SGF29: variants seen among roughly 807,000 people sequenced by gnomAD.
The protein encoded by SGF29 is SAGA complex associated factor 29.
In SGF29, 15 loss-of-function variants were observed where a neutral mutation model predicts 38.1. That is an observed-to-expected ratio of 0.39 (90% CI 0.26 to 0.61). The LOEUF is 0.61. Among genes scored for constraint, SGF29 ranks in the 20% least tolerant of loss-of-function variants. The pLI, the probability that SGF29 is intolerant of heterozygous loss-of-function variation, is 0.49. For synonymous variants in SGF29, 151 were observed against 160.8 expected (o/e 0.94, Z 0.46); for missense variants, 184 against 394.6 (o/e 0.47, Z 4.52).
At chr16:28,566,209 G>T (rs1450708530) in intron 1 of SGF29, among the ~76,000 whole-genome samples, 3 of 151,562 alleles carry the variant, frequency 2.0e-5, no homozygotes, top group Admixed American at 6.6e-5. Flanking sequence ...GGGAGGCAGA[G>T]CTTGCAGTGA....
chr16:28,583,983 G>A (rs1038115691), intron 2 of SGF29, among the ~76,000 whole-genome samples: 1 of 151,738 alleles, frequency 6.6e-6, no homozygotes, highest in Non-Finnish European at 1.5e-5. Flanking sequence ...CTTTGATAAA[G>A]GACTATCATT....
chr16:28,584,560 C>G (rs971562843), intron 2 of SGF29, among the ~76,000 whole-genome samples: 9 of 152,104 alleles, frequency 5.9e-5, no homozygotes, highest in Admixed American at 1.3e-4. Flanking sequence ...GAGGCCGAGG[C>G]AGGCGGATCA....
At chr16:28,572,102 G>C (rs1474839353) in intron 1 of SGF29, among the ~76,000 whole-genome samples, 1 of 149,648 alleles carries the variant, frequency 6.7e-6, no homozygotes, top group Non-Finnish European at 1.5e-5. Flanking sequence ...TCAGCCTCCC[G>C]AGTAGCTGGG....
chr16:28,576,331 G>C lies in SGF29; in HGVS notation c.-15-4724G>C, dbSNP rs2046893424. Reference sequence around the variant, plus strand: ...TAATACCTGGGTGATGAAATTATCTGTACAACAGACCCCCATGACACATAT... The same window carrying C: ...TAATACCTGGGTGATGAAATTATCTCTACAACAGACCCCCATGACACATAT... On this transcript the variant is annotated intron_variant, in intron 1 of 9. Coordinates refer to ENST00000317058, the MANE Select transcript of SGF29 (RefSeq NM_138414.3). Among the ~76,000 whole-genome samples, 3 of 152,120 alleles carry C rather than the reference G, an allele frequency of 2.0e-5. No individual in the cohort carries two copies. In the South Asian group the frequency reaches 6.2e-4, roughly 32 times the overall value.
intron 1 of SGF29, among the ~76,000 whole-genome samples, chr16:28,577,362 A>C (rs937038736): frequency 6.6e-5 from 10 of 151,836 alleles, no homozygotes; most frequent in South Asian, 2.1e-4. Context: ...AAAAAAAAAA[A>C]CAAAAAAACC....
chr16:28,589,980 G>C (rs2046978140), intron 5 of SGF29, 116 bp from the exon 6 acceptor site: 6 of 1,414,602 alleles, frequency 4.2e-6, no homozygotes, highest in Admixed American at 2.6e-5. Flanking sequence ...TGGGCCCTCG[G>C]GCTCACTCGG....
At chr16:28,571,238 G>A (rs1045043625) in intron 1 of SGF29, among the ~76,000 whole-genome samples, 20 of 152,114 alleles carry the variant, frequency 1.3e-4, no homozygotes, top group Admixed American at 6.6e-5. Context: ...AGCGGAGAGC[G>A]ATGCCGAATC....
chr16:28,587,806 C>T (rs998402040), intron 4 of SGF29, among the ~76,000 whole-genome samples: 10 of 152,044 alleles, frequency 6.6e-5, no homozygotes, highest in Admixed American at 2.6e-4. Context: ...TGTGGAAATA[C>T]GTATTTTTTT....
intron 1 of SGF29, among the ~76,000 whole-genome samples, chr16:28,568,272 C>T (rs1596599530): frequency 7.8e-6 from 1 of 128,892 alleles, no homozygotes; most frequent in East Asian, 2.4e-4. Context: ...AAGATCATGC[C>T]ATTGCACTCT....
At chr16:28,557,989 T>C (rs978999790) in intron 1 of SGF29, among the ~76,000 whole-genome samples, 3 of 148,292 alleles carry the variant, frequency 2.0e-5, no homozygotes, top group South Asian at 2.1e-4. Flanking sequence ...TTTTTTTTTT[T>C]TTCAGAGACG....
intron 1 of SGF29, among the ~76,000 whole-genome samples, chr16:28,564,707 A>ATATATGTG (rs1567285953): frequency 2.1e-5 from 1 of 47,150 alleles, no homozygotes; most frequent in African/African-American, 6.4e-5. Context: ...GTATATATAT[A>ATATATGTG]CATATATATG....
At chr16:28,565,089 G>A (rs1037719303) in intron 1 of SGF29, among the ~76,000 whole-genome samples, 12 of 151,938 alleles carry the variant, frequency 7.9e-5, no homozygotes, top group African/African-American at 1.9e-4. Flanking sequence ...CCAAGTGTCC[G>A]GCGTGACACA....
chr16:28,572,519 T>C (rs2046871019), intron 1 of SGF29, among the ~76,000 whole-genome samples: 1 of 152,106 alleles, frequency 6.6e-6, no homozygotes. Flanking sequence ...TCCGCCTGCC[T>C]CGGCTTCCCA....
chr16:28,573,190 A>T (rs2046874684), intron 1 of SGF29, among the ~76,000 whole-genome samples: 1 of 152,006 alleles, frequency 6.6e-6, no homozygotes, highest in Non-Finnish European at 1.5e-5. Flanking sequence ...GGGAGATGGC[A>T]CTACACAGCT....
intron 4 of SGF29, 137 bp from the exon 5 acceptor site, chr16:28,588,963 A>C: frequency 1.2e-6 from 1 of 841,926 alleles, no homozygotes; most frequent in Non-Finnish European, 2.0e-6. Context: ...CCACCTGCGC[A>C]GGAGGCTACT....
At chr16:28,581,242 G>A (rs1596605266) in intron 2 of SGF29, 98 bp downstream of exon 2, 16 of 1,086,386 alleles carry the variant, frequency 1.5e-5, no homozygotes, top group East Asian at 2.5e-5. Context: ...GATTGGACTC[G>A]CAGGAACCAA....
chr16:28,591,068 G>T (rs920051225), intron 9 of SGF29, 133 bp downstream of exon 9: 1 of 1,164,390 alleles, frequency 8.6e-7, no homozygotes, highest in African/African-American at 1.6e-5. Flanking sequence ...CCCACCAGCT[G>T]CCCTCCCTCT....
chr16:28,554,462 T>A (rs916690636), intron 1 of SGF29, among the ~76,000 whole-genome samples: 2 of 152,346 alleles, frequency 1.3e-5, no homozygotes, highest in East Asian at 3.9e-4. Flanking sequence ...ACTCCAGCAC[T>A]TATTTTATGA....
At chr16:28,554,556 C>T (rs920721490) in intron 1 of SGF29, among the ~76,000 whole-genome samples, 6 of 152,130 alleles carry the variant, frequency 3.9e-5, no homozygotes, top group Non-Finnish European at 8.8e-5. Context: ...CTCAACCTCC[C>T]GCCTCGGCCT....
Sources: gnomAD v4.1 joint callset for allele counts (sites outside exome capture counted in the v4.1 genomes callset) on GRCh38, gnomAD v4.1.1 for gene constraint, MANE v1.5 for transcripts, NCBI Gene and HGNC (gene_info 2026-07-23, HGNC 2026-07-21) for gene names.